LINGO2: variants seen among roughly 807,000 people sequenced by gnomAD.
LINGO2 encodes the protein leucine-rich repeat and immunoglobulin-like domain-containing nogo receptor-interacting protein 2.
In LINGO2, 14 loss-of-function variants were observed where a neutral mutation model predicts 30.6. The observed-to-expected ratio is 0.46, with a 90% CI of 0.30 to 0.72. The LOEUF (loss-of-function observed/expected upper bound fraction) is 0.72. LINGO2 is among the 30% of genes least tolerant of loss of function. The pLI, the probability that LINGO2 is intolerant of heterozygous loss-of-function variation, is 0.07. For missense variants in LINGO2, 729 were observed against 751.7 expected, an observed-to-expected ratio of 0.97 and a Z score of 0.35; for synonymous variants, 317 against 288.5, an observed-to-expected ratio of 1.10 and a Z score of -1.00.
chr9:28,239,206 A>G (rs191900889), intron 4 of LINGO2, among the ~76,000 whole-genome samples: 14 of 152,190 alleles, frequency 9.2e-5, no homozygotes, highest in East Asian at 3.9e-4. Context: ...AATTCTACCA[A>G]TCATTTCAAA....
intron 3 of LINGO2, among the ~76,000 whole-genome samples, chr9:28,359,479 C>T (rs1364991921): frequency 6.6e-6 from 1 of 152,140 alleles, no homozygotes; most frequent in Non-Finnish European, 1.5e-5. Flanking sequence ...TGCCCTAACC[C>T]TGGCCCTAAA....
chr9:28,012,506 T>G (rs1300988922), intron 4 of LINGO2: 1 of 152,106 alleles, frequency 6.6e-6, no homozygotes, highest in East Asian at 1.9e-4. Context: ...CAAGGTCCAT[T>G]CAACGGCAGT....
chr9:29,068,150 G>A, the LINGO2 span, among the ~76,000 whole-genome samples: 1 of 151,676 alleles, frequency 6.6e-6, no homozygotes, highest in Admixed American at 6.6e-5. Flanking sequence ...CATTGCAAAT[G>A]AATTCAGGTC....
At chr9:28,503,583 GT>G (rs1358442563) in intron 1 of LINGO2, among the ~76,000 whole-genome samples, 1 of 151,870 alleles carries the variant, frequency 6.6e-6, no homozygotes, top group African/African-American at 2.4e-5. Flanking sequence ...AAAAAAAATT[GT>G]TATTTAGAAA....
At chr9:28,043,833 C>G (rs1472919384) in intron 4 of LINGO2, among the ~76,000 whole-genome samples, 1 of 152,118 alleles carries the variant, frequency 6.6e-6, no homozygotes, top group Non-Finnish European at 1.5e-5. Context: ...AGCCTGATAG[C>G]TACAAAACAA....
intron 4 of LINGO2, among the ~76,000 whole-genome samples, chr9:28,102,843 A>G (rs1826458955): frequency 6.6e-6 from 1 of 152,188 alleles, no homozygotes; most frequent in African/African-American, 2.4e-5. Flanking sequence ...AAGTGGACAG[A>G]CATTCTTCCA....
intron 4 of LINGO2, among the ~76,000 whole-genome samples, chr9:28,088,422 T>C (rs1319234443): frequency 6.6e-6 from 1 of 152,018 alleles, no homozygotes; most frequent in Non-Finnish European, 1.5e-5. Context: ...AAGCAAAATG[T>C]TAAAACCAAG....
At chr9:28,535,701 T>G (rs909822328) in intron 1 of LINGO2, among the ~76,000 whole-genome samples, 2 of 149,440 alleles carry the variant, frequency 1.3e-5, no homozygotes, top group Non-Finnish European at 3.0e-5. Flanking sequence ...AGTACGTGCA[T>G]GCACACACAC....
rs191610979 is a variant in LINGO2, at chr9:28,233,716, G to C, written c.-87+61492C>G. Among the ~76,000 whole-genome samples, 75 of 152,274 alleles carry C rather than the reference G, an allele frequency of 4.9e-4. 1 individual carries two copies. The highest frequency in any genetic ancestry group is 4.1e-3 in the Admixed American group (62 of 15,304). ...TAAGGAGAGGAGAGTGAAGACAAAA[G>C]AGGACTTTGTTTTGCCTTTTGGATG... On this transcript the variant is annotated intron_variant, in intron 4 of 5. Transcript: ENST00000379992.
At chr9:27,981,551 G>GAAAAAAAAAAAAAAAAAA (rs1279785343) in intron 5 of LINGO2, among the ~76,000 whole-genome samples, 1 of 87,142 alleles carries the variant, frequency 1.1e-5, no homozygotes, top group Non-Finnish European at 2.3e-5. Flanking sequence ...AAAAAAAAAA[G>GAAAAAAAAAAAAAAAAAA]AAAAAAAAGA....
At chr9:28,631,637 G>A (rs1332497916) in intron 1 of LINGO2, among the ~76,000 whole-genome samples, 1 of 152,104 alleles carries the variant, frequency 6.6e-6, no homozygotes, top group East Asian at 1.9e-4. Flanking sequence ...AATAGGAAGA[G>A]AGAACGTTAA....
intron 4 of LINGO2, among the ~76,000 whole-genome samples, chr9:28,202,549 T>A (rs1003194054): frequency 9.9e-5 from 15 of 152,054 alleles, no homozygotes; most frequent in African/African-American, 3.6e-4. Context: ...GTAATTCTGT[T>A]CCCTCACCCC....
chr9:27,998,671 C>T (rs954452645), intron 5 of LINGO2, among the ~76,000 whole-genome samples: 1 of 152,100 alleles, frequency 6.6e-6, no homozygotes, highest in Non-Finnish European at 1.5e-5. Context: ...ATCCCAGCTA[C>T]TTGGGAGGTT....
the LINGO2 span, among the ~76,000 whole-genome samples, chr9:28,728,066 C>A: frequency 1.6e-4 from 24 of 152,220 alleles, no homozygotes; most frequent in South Asian, 4.8e-3. Flanking sequence ...TAAAAGTGGT[C>A]AGAAGGACAG....
At chr9:28,773,898 T>A in the LINGO2 span, among the ~76,000 whole-genome samples, 2 of 152,156 alleles carry the variant, frequency 1.3e-5, no homozygotes, top group Non-Finnish European at 2.9e-5. Context: ...ATACTTATTA[T>A]AAAGGAAATT....
chr9:28,341,735 T>G (rs1453603387), intron 3 of LINGO2, among the ~76,000 whole-genome samples: 5 of 152,196 alleles, frequency 3.3e-5, no homozygotes, highest in Non-Finnish European at 7.4e-5. Flanking sequence ...GTTTCTAACT[T>G]TCACACAGTA....
intron 3 of LINGO2, among the ~76,000 whole-genome samples, chr9:28,346,129 G>A (rs945523839): frequency 6.6e-6 from 1 of 152,014 alleles, no homozygotes; most frequent in Non-Finnish European, 1.5e-5. Flanking sequence ...GTGTCACAGG[G>A]GTTTGTGGTA....
chr9:28,903,989 C>T, the LINGO2 span, among the ~76,000 whole-genome samples: 1 of 151,960 alleles, frequency 6.6e-6, no homozygotes, highest in African/African-American at 2.4e-5. Context: ...AATTCAATGC[C>T]ACGTTAAAAG....
rs1224771719 is a variant in LINGO2, at chr9:28,351,340, T to C, written c.-246+21496A>G. Among the ~76,000 whole-genome samples, 13 of 145,178 alleles carry C rather than the reference T, an allele frequency of 9.0e-5. No individual in the cohort carries two copies. In the East Asian group the frequency reaches 2.2e-3, roughly 24 times the overall value. On this transcript the variant is annotated intron_variant, in intron 3 of 5. Coordinates refer to ENST00000379992, the Ensembl canonical transcript of LINGO2. ...GATATCACCACCGATCCCACAGAAA[T>C]ACAAACTACCATCAGAGAATACTAC...
Sources: gnomAD v4.1 joint callset for allele counts (sites outside exome capture counted in the v4.1 genomes callset) on GRCh38, gnomAD v4.1.1 for gene constraint, MANE v1.5 for transcripts, NCBI Gene and HGNC (gene_info 2026-07-23, HGNC 2026-07-21) for gene names.